The following ALDH1L1 variants were observed in gnomAD, a reference collection of about 807,000 sequenced individuals.
ALDH1L1 encodes the protein cytosolic 10-formyltetrahydrofolate dehydrogenase.
In ALDH1L1, 68 loss-of-function variants were observed where a neutral mutation model predicts 101.1. The ratio of observed to expected loss-of-function variants is 0.67; its 90% CI spans 0.55 to 0.82. The LOEUF (loss-of-function observed/expected upper bound fraction) is 0.82, where lower values mean the gene tolerates loss of function less well. Ranked by LOEUF, ALDH1L1 falls within the 40% of genes least tolerant of loss-of-function variation. The pLI is 0.00. For missense variants in ALDH1L1, 1,087 were observed against 1,172.7 expected, an observed-to-expected ratio of 0.93 and a Z score of 1.07; for synonymous variants, 486 against 470.8, an observed-to-expected ratio of 1.03 and a Z score of -0.42.
intron 7 of ALDH1L1, chr3:126,153,157 A>G: frequency 2.2e-6 from 1 of 461,338 alleles, no homozygotes; most frequent in Non-Finnish European, 4.0e-6. Context: ...CTCTGATTCT[A>G]GGTTGCCTGA....
chr3:126,157,494 C>G lies in ALDH1L1; in HGVS notation c.377G>C (p.Gly126Ala), dbSNP rs948919718. The G allele has an allele frequency of 1.2e-6, 2 of 1,613,936 alleles. No individual in the cohort carries two copies. The highest frequency in any genetic ancestry group is 1.3e-5 in the African/African-American group (1 of 75,026). ...ASAINWTLIH[G>A]DKKGGFSIFW... ...GATGGAAAACCCCCCTTTCTTATCT[C>G]CGTGAATGAGGGTCCTAGGAAGCAG... is the stretch of plus-strand genomic sequence containing the variant. The change falls in exon 4 of 23, where the codon GGA becomes GCA. Residue 126 changes from glycine (G) to alanine (A), a missense_variant. This residue lies in a region of ALDH1L1 where 645 missense variants were observed against 637.0 expected (regional missense o/e 1.01). Transcript: ENST00000393434.
At chr3:126,107,461 T>C (rs1040125809) in intron 20 of ALDH1L1, among the ~76,000 whole-genome samples, 6 of 152,200 alleles carry the variant, frequency 3.9e-5, no homozygotes, top group Admixed American at 3.9e-4. Context: ...TTTAACGGAG[T>C]GCTGTTGAGG....
chr3:126,163,977 AAAC>A (rs2081112490), intron 1 of ALDH1L1, among the ~76,000 whole-genome samples: 1 of 152,104 alleles, frequency 6.6e-6, no homozygotes, highest in Non-Finnish European at 1.5e-5. Flanking sequence ...CTGCAAAAAC[AAAC>A]AATAGCTGGA....
At chr3:126,161,676 C>T (rs1257447903) in intron 1 of ALDH1L1, among the ~76,000 whole-genome samples, 1 of 152,206 alleles carries the variant, frequency 6.6e-6, no homozygotes, top group East Asian at 1.9e-4. Context: ...AACTATTATT[C>T]ACTTAATACA....
At chr3:126,120,728 G>A (rs2108210078) in intron 16 of ALDH1L1, among the ~76,000 whole-genome samples, 1 of 152,244 alleles carries the variant, frequency 6.6e-6, no homozygotes, top group South Asian at 2.1e-4. Context: ...TGTACTTTCT[G>A]CTCAATTTTG....
chr3:126,150,021 T>C (rs973199764), intron 8 of ALDH1L1, among the ~76,000 whole-genome samples: 1 of 152,254 alleles, frequency 6.6e-6, no homozygotes, highest in Non-Finnish European at 1.5e-5. Context: ...GGGCAGCTTG[T>C]GTTGGTCACA....
rs768457537 is a variant in ALDH1L1, at chr3:126,114,548, G to A, written c.2082+9C>T. Reference sequence around the variant, plus strand: ...CACTGTCCCTGCCCCCTCCAGGCCCGGCCCTCACCATCTGCACAGCCTTGT... The same window carrying A: ...CACTGTCCCTGCCCCCTCCAGGCCCAGCCCTCACCATCTGCACAGCCTTGT... On this transcript the variant is annotated intron_variant, in intron 18 of 22. Coordinates refer to ENST00000393434, the MANE Select transcript of ALDH1L1 (RefSeq NM_012190.4). The A allele has an allele frequency of 1.1e-5, 17 of 1,486,420 alleles. No homozygotes were observed. In the Admixed American group the frequency reaches 1.5e-4, roughly 13 times the overall value. The allele number at this position is 1,486,420 out of a possible 1,614,324, so 92.1% of individuals were successfully genotyped here.
chr3:126,146,195 T>C (rs2080674474), intron 9 of ALDH1L1, among the ~76,000 whole-genome samples: 2 of 152,154 alleles, frequency 1.3e-5, no homozygotes, highest in African/African-American at 2.4e-5. Context: ...GTGGAGTTTC[T>C]TTCCCCAACC....
At position 126,164,369 on chromosome 3, in the gene ALDH1L1, A is replaced by G. The variant is rs75422599; in HGVS notation, c.-23-3367T>C. Among the ~76,000 whole-genome samples the G allele has an allele frequency of 3.0e-3, 452 of 152,170 alleles. 4 individuals are homozygous for G. In the East Asian group the frequency reaches 0.034, roughly 11 times the overall value. ...CACAGTACCCAACGGAGTTTTTTCA[A>G]CCCATTCCCGTACTCCCTCTAGCAG... On this transcript the variant is annotated intron_variant, in intron 1 of 22. Transcript: ENST00000393434.
intron 1 of ALDH1L1, among the ~76,000 whole-genome samples, chr3:126,166,380 G>A (rs2081168681): frequency 1.3e-5 from 2 of 152,000 alleles, no homozygotes; most frequent in African/African-American, 4.8e-5. Context: ...ATTTAACTTG[G>A]CATAACATTT....
intron 12 of ALDH1L1, among the ~76,000 whole-genome samples, chr3:126,132,857 T>G (rs2108240809): frequency 6.6e-6 from 1 of 152,314 alleles, no homozygotes; most frequent in South Asian, 2.1e-4. Flanking sequence ...GGTTCCCTGC[T>G]CTCTGCAGCG....
intron 7 of ALDH1L1, chr3:126,153,106 C>A (rs898854577): frequency 2.6e-6 from 1 of 384,154 alleles, no homozygotes; most frequent in Non-Finnish European, 5.0e-6. Flanking sequence ...TCTGATAGAC[C>A]AAAGAGAGGC....
At chr3:126,132,481 C>G (rs1233850424) in intron 12 of ALDH1L1, among the ~76,000 whole-genome samples, 1 of 152,218 alleles carries the variant, frequency 6.6e-6, no homozygotes, top group Non-Finnish European at 1.5e-5. Flanking sequence ...TCTGGGGCCA[C>G]AAGACCCCAG....
intron 16 of ALDH1L1, among the ~76,000 whole-genome samples, chr3:126,118,338 T>G (rs1313901830): frequency 6.6e-6 from 1 of 152,088 alleles, no homozygotes; most frequent in Non-Finnish European, 1.5e-5. Context: ...TGGGACTGTG[T>G]TTGGAGATGT....
At chr3:126,118,840 G>A (rs1047334507) in intron 16 of ALDH1L1, among the ~76,000 whole-genome samples, 4 of 152,008 alleles carry the variant, frequency 2.6e-5, no homozygotes, top group Admixed American at 2.6e-4. Context: ...AGGGAATGCC[G>A]TGATTCCTGC....
intron 17 of ALDH1L1, 77 bp from the exon 18 acceptor site, chr3:126,114,733 C>T: frequency 7.5e-7 from 1 of 1,340,208 alleles, no homozygotes; most frequent in Non-Finnish European, 1.1e-6. Flanking sequence ...TGGCAGGGAC[C>T]TGGGTAGGCC....
rs145959421 is a variant in ALDH1L1 at position 126,158,421 on chromosome 3, C to T, written c.346G>A (p.Ala116Thr). The T allele has an allele frequency of 6.2e-5, 99 of 1,600,478 alleles. No individual in the cohort carries two copies. Among genetic ancestry groups the T allele is most frequent in the Middle Eastern group, 1.7e-4 (1 of 6,044 alleles). ...HPSLLPRHRG[A>T]SAINWTLIHG... Reference sequence around the variant, plus strand: ...CCATCTCACCAGTTGATGGCCGAGGCCCCTCGGTGCCTAGGGAGCAGTGAC... The same window carrying T: ...CCATCTCACCAGTTGATGGCCGAGGTCCCTCGGTGCCTAGGGAGCAGTGAC... The change falls in exon 3 of 23, where the codon GCC becomes ACC. Residue 116 changes from alanine (A) to threonine (T), a missense_variant. Ala to Thr is a moderately conservative substitution (Grantham distance 58). This residue lies in a region of ALDH1L1 where 645 missense variants were observed against 637.0 expected (regional missense o/e 1.01). Coordinates refer to ENST00000393434, the MANE Select transcript of ALDH1L1 (RefSeq NM_012190.4).
chr3:126,135,321 T>C (rs1361524269), intron 12 of ALDH1L1: 2 of 518,154 alleles, frequency 3.9e-6, no homozygotes, highest in South Asian at 2.5e-5. Context: ...TCTGCTGAAA[T>C]GTCTCCTGTT....
intron 13 of ALDH1L1, among the ~76,000 whole-genome samples, chr3:126,130,793 C>T (rs1159281015): frequency 6.6e-5 from 10 of 152,212 alleles, no homozygotes. Context: ...GGTGGACCTC[C>T]CCAGGGAGCC....
Sources: allele counts gnomAD v4.1 joint callset (sites outside exome capture counted in the v4.1 genomes callset), GRCh38; gene constraint gnomAD v4.1.1; regional missense constraint gnomAD v4.1.1; transcripts MANE v1.5; gene names NCBI Gene and HGNC (gene_info 2026-07-23, HGNC 2026-07-21).